NRXN3: variants seen among roughly 807,000 people sequenced by gnomAD.
NRXN3 encodes neurexin III.
NRXN3 carries 32 observed loss-of-function variants against 137.6 expected under a neutral mutation model. That is an observed-to-expected ratio of 0.23 (90% confidence interval 0.18 to 0.31). The LOEUF (loss-of-function observed/expected upper bound fraction) is 0.31. Ranked by LOEUF, NRXN3 falls within the 10% of genes least tolerant of loss-of-function variation. The pLI, the probability that NRXN3 is intolerant of heterozygous loss-of-function variation, is 1.00. For synonymous variants in NRXN3, 798 were observed against 784.5 expected (o/e 1.02, Z -0.29); for missense variants, 1,574 against 2,062.5 (o/e 0.76, Z 4.59).
At chr14:78,838,548 A>G (rs1013503076) in intron 10 of NRXN3, among the ~76,000 whole-genome samples, 7 of 152,168 alleles carry the variant, frequency 4.6e-5, no homozygotes, top group African/African-American at 4.8e-5. Context: ...AGAGGTTTGT[A>G]CTATTCTTTC....
intron 2 of NRXN3, among the ~76,000 whole-genome samples, chr14:78,265,394 G>GT (rs1337190414): frequency 6.6e-6 from 1 of 152,122 alleles, no homozygotes; most frequent in African/African-American, 2.4e-5. Flanking sequence ...CACTGATGAG[G>GT]TGACGAGACA....
chr14:79,653,742 A>G (rs1454439645), intron 16 of NRXN3, among the ~76,000 whole-genome samples: 1 of 152,212 alleles, frequency 6.6e-6, no homozygotes, highest in Admixed American at 6.5e-5. Flanking sequence ...TTTGCCAAAT[A>G]ATAATTGTGA....
chr14:78,919,279 AT>A, intron 10 of NRXN3, among the ~76,000 whole-genome samples: 2 of 152,276 alleles, frequency 1.3e-5, no homozygotes, highest in Middle Eastern at 6.8e-3. Context: ...GCTTTTTTCA[AT>A]TTATAACAGT....
intron 15 of NRXN3, among the ~76,000 whole-genome samples, chr14:79,013,438 A>G (rs1014003756): frequency 1.3e-5 from 2 of 152,180 alleles, no homozygotes; most frequent in Non-Finnish European, 2.9e-5. Flanking sequence ...TACAACAAAA[A>G]CAATATCCCA....
At chr14:79,554,300 G>A (rs1407133878) in intron 16 of NRXN3, among the ~76,000 whole-genome samples, 5 of 152,258 alleles carry the variant, frequency 3.3e-5, no homozygotes, top group African/African-American at 4.8e-5. Context: ...AGGAAGACTC[G>A]TAAAATGGAA....
chr14:78,742,696 G>A (rs762137618), intron 8 of NRXN3, among the ~76,000 whole-genome samples: 25 of 152,086 alleles, frequency 1.6e-4, no homozygotes, highest in Admixed American at 5.2e-4. Context: ...AATTTTGACG[G>A]TATAATGAAA....
chr14:78,510,636 A>C (rs534591880), intron 4 of NRXN3, among the ~76,000 whole-genome samples: 1 of 152,328 alleles, frequency 6.6e-6, no homozygotes, highest in South Asian at 2.1e-4. Flanking sequence ...TTGCAGATTG[A>C]GCCAAGCCCT....
chr14:78,386,918 T>C (rs913463250), intron 4 of NRXN3, among the ~76,000 whole-genome samples: 2 of 152,102 alleles, frequency 1.3e-5, no homozygotes, highest in African/African-American at 4.8e-5. Flanking sequence ...TAGCTGGGAC[T>C]ACAGGCATGC....
intron 16 of NRXN3, among the ~76,000 whole-genome samples, chr14:79,637,930 A>T (rs1007780080): frequency 9.4e-5 from 13 of 138,372 alleles, no homozygotes; most frequent in African/African-American, 3.8e-4. Context: ...GGTTTTCAAC[A>T]TGTTAGCCAG....
At chr14:79,775,562 A>G (rs1241057511) in intron 19 of NRXN3, among the ~76,000 whole-genome samples, 1 of 146,468 alleles carries the variant, frequency 6.8e-6, no homozygotes, top group Non-Finnish European at 1.5e-5. Context: ...CGAAAAAAAA[A>G]AAAAAAAAAA....
At chr14:78,225,829 T>A (rs931987339) in intron 1 of NRXN3, among the ~76,000 whole-genome samples, 3 of 152,132 alleles carry the variant, frequency 2.0e-5, no homozygotes, top group Non-Finnish European at 4.4e-5. Context: ...CATTCTTTAA[T>A]CTATCACCTC....
chr14:78,529,559 A>G (rs1444502829), intron 4 of NRXN3, among the ~76,000 whole-genome samples: 1 of 152,194 alleles, frequency 6.6e-6, no homozygotes, highest in Non-Finnish European at 1.5e-5. Context: ...CTACCTATCC[A>G]TAGAACCTCC....
intron 15 of NRXN3, among the ~76,000 whole-genome samples, chr14:79,154,533 C>T (rs1450819969): frequency 6.6e-6 from 1 of 151,732 alleles, no homozygotes; most frequent in East Asian, 1.9e-4. Context: ...CCCATCATTC[C>T]CTGTTTTATT....
At position 78,370,305 on chromosome 14, in the gene NRXN3, T is replaced by G. The variant is rs2086622236; in HGVS notation, c.757+72445T>G. Among the ~76,000 whole-genome samples, 3 of 80,048 alleles carry G rather than the reference T, an allele frequency of 3.7e-5. No individual in the cohort carries two copies. The South Asian group carries it at 1.5e-3, about 39-fold the overall frequency. 52.5% of individuals were successfully genotyped at this position (80,048 alleles called of 152,430 possible). A position where few individuals can be genotyped will look rare whatever the true frequency, so the allele number is the denominator to read the frequency against. On this transcript the variant is annotated intron_variant, in intron 4 of 20. Transcript: ENST00000335750. ...GCCACACAGAATTTCCCAATTTTAC[T>G]GAGACACTTTTTTTTTTTTTTTGAG...
chr14:78,688,294 A>C (rs2098140554), intron 6 of NRXN3, among the ~76,000 whole-genome samples: 1 of 152,196 alleles, frequency 6.6e-6, no homozygotes, highest in Non-Finnish European at 1.5e-5. Flanking sequence ...TCTTACAGAG[A>C]GAAAACCAAC....
intron 19 of NRXN3, among the ~76,000 whole-genome samples, chr14:79,746,689 A>C (rs1368911401): frequency 6.6e-6 from 1 of 152,140 alleles, no homozygotes; most frequent in Non-Finnish European, 1.5e-5. Context: ...GAGGGAACAA[A>C]AGACAGCTGG....
At chr14:78,307,903 T>C (rs73312519) in intron 4 of NRXN3, among the ~76,000 whole-genome samples, 85 of 152,270 alleles carry the variant, frequency 5.6e-4, no homozygotes, top group African/African-American at 1.9e-3. Flanking sequence ...TATTTCACTC[T>C]TTTGGGCAAG....
intron 20 of NRXN3, chr14:79,853,815 T>A (rs1273808149): frequency 5.1e-6 from 5 of 989,526 alleles, no homozygotes; most frequent in Non-Finnish European, 1.2e-6. Flanking sequence ...CAGAAATTCA[T>A]TCAAAACCCG....
intron 10 of NRXN3, among the ~76,000 whole-genome samples, chr14:78,940,420 T>C (rs1358421244): frequency 6.6e-6 from 1 of 152,228 alleles, no homozygotes; most frequent in East Asian, 1.9e-4. Context: ...AAAGAACTCA[T>C]AGTAGTATTA....
Sources: allele counts gnomAD v4.1 joint callset (sites outside exome capture counted in the v4.1 genomes callset), GRCh38; gene constraint gnomAD v4.1.1; transcripts MANE v1.5; gene names NCBI Gene and HGNC (gene_info 2026-07-23, HGNC 2026-07-21).